ATP2C2: variants seen among roughly 807,000 people sequenced by gnomAD.
ATP2C2 encodes the protein ATPase secretory pathway Ca2+ transporting 2.
A neutral mutation model predicts 110.8 loss-of-function variants in ATP2C2; 171 were observed. The observed-to-expected ratio is 1.54, with a 90% CI of 1.36 to 1.75. The LOEUF (loss-of-function observed/expected upper bound fraction) is 1.75. ATP2C2 is among the 40% of genes most tolerant of loss of function. The pLI, the probability that ATP2C2 is intolerant of heterozygous loss-of-function variation, is 0.00. For missense variants in ATP2C2, 1,963 were observed against 1,235.0 expected (o/e 1.59, Z -8.84); for synonymous variants, 804 against 508.4 (o/e 1.58, Z -7.82).
intron 1 of ATP2C2, among the ~76,000 whole-genome samples, chr16:84,391,095 C>G (rs1347361782): frequency 1.8e-5 from 2 of 112,166 alleles, no homozygotes; most frequent in Admixed American, 1.4e-4. Context: ...GCCTGGGTGA[C>G]AGAGTGAGAC....
At chr16:84,449,643 G>C (rs938602817) in intron 17 of ATP2C2, among the ~76,000 whole-genome samples, 2 of 152,304 alleles carry the variant, frequency 1.3e-5, no homozygotes, top group African/African-American at 4.8e-5. Context: ...TGATCTGAGA[G>C]GGGCTGGTAT....
At chr16:84,436,564 C>A (rs1275411350) in intron 11 of ATP2C2, among the ~76,000 whole-genome samples, 5 of 152,156 alleles carry the variant, frequency 3.3e-5, no homozygotes, top group African/African-American at 1.2e-4. Context: ...CTCCTCATCA[C>A]TTCTAGTCCC....
At chr16:84,376,768 C>A (rs1281050071) in intron 1 of ATP2C2, among the ~76,000 whole-genome samples, 1 of 152,212 alleles carries the variant, frequency 6.6e-6, no homozygotes, top group Non-Finnish European at 1.5e-5. Context: ...TCCACATACA[C>A]ATTCAGATCC....
chr16:84,450,401 G>T (rs1331411890), intron 17 of ATP2C2, among the ~76,000 whole-genome samples: 1 of 152,106 alleles, frequency 6.6e-6, no homozygotes, highest in East Asian at 1.9e-4. Context: ...TGGGCTTTGA[G>T]ACCCCCCACC....
intron 6 of ATP2C2, among the ~76,000 whole-genome samples, chr16:84,411,536 G>C (rs369965409): frequency 1.3e-5 from 2 of 152,244 alleles, no homozygotes; most frequent in South Asian, 2.1e-4. Flanking sequence ...CCGCCTCCTG[G>C]GTTCAAGCAG....
chr16:84,372,666 C>T (rs977169313), intron 1 of ATP2C2, among the ~76,000 whole-genome samples: 3 of 151,928 alleles, frequency 2.0e-5, no homozygotes, highest in Non-Finnish European at 4.4e-5. Context: ...CCTCATGATC[C>T]GCCTGCCTCA....
intron 1 of ATP2C2, among the ~76,000 whole-genome samples, chr16:84,381,647 C>T (rs980435040): frequency 6.6e-6 from 1 of 152,114 alleles, no homozygotes; most frequent in Non-Finnish European, 1.5e-5. Flanking sequence ...TAGATTCATG[C>T]TGGGCACACT....
intron 1 of ATP2C2, among the ~76,000 whole-genome samples, chr16:84,392,110 T>C (rs1037488078): frequency 1.5e-4 from 23 of 152,218 alleles, no homozygotes; most frequent in African/African-American, 5.3e-4. Flanking sequence ...ATAGACAGAA[T>C]AATGGAATGA....
rs891796027 is a variant in ATP2C2, at chr16:84,461,815, G to A, written c.2580+3G>A. ...ACGCCTTGACCTGCCGCTCTCAGGT[G>A]AGACCCGGGCTGACCCTCCTCGCTG... On this transcript the variant is annotated splice_donor_region_variant and intron_variant, in intron 25 of 26. Coordinates refer to ENST00000262429, the MANE Select transcript of ATP2C2 (RefSeq NM_014861.4). The A allele has an allele frequency of 1.2e-6, 2 of 1,613,512 alleles. No individual in the cohort carries two copies. Among genetic ancestry groups the A allele is most frequent in the Non-Finnish European group, 1.7e-6 (2 of 1,179,368 alleles).
Position 84,463,741 on chromosome 16 carries a change from A to T in ATP2C2, c.*9A>T. On this transcript the variant is annotated 3_prime_UTR_variant, in exon 27 of 27. Coordinates refer to ENST00000262429, the MANE Select transcript of ATP2C2 (RefSeq NM_014861.4). Reference sequence around the variant, plus strand: ...ACCCTGAAGATGTGTAGTGGACCGCACTCCGCGGCACCTTCCCTAATCATC... The same window carrying T: ...ACCCTGAAGATGTGTAGTGGACCGCTCTCCGCGGCACCTTCCCTAATCATC... The T allele has an allele frequency of 6.3e-7, 1 of 1,593,782 alleles. No homozygotes were observed. Among genetic ancestry groups the T allele is most frequent in the Non-Finnish European group, 8.6e-7 (1 of 1,163,838 alleles).
chr16:84,403,628 A>G (rs1177762165), intron 2 of ATP2C2, among the ~76,000 whole-genome samples: 1 of 151,996 alleles, frequency 6.6e-6, no homozygotes, highest in Non-Finnish European at 1.5e-5. Context: ...TGAAGTGTAC[A>G]TTGTAGTTGC....
chr16:84,414,746 G>T (rs546336554), intron 6 of ATP2C2, among the ~76,000 whole-genome samples: 50 of 152,326 alleles, frequency 3.3e-4, no homozygotes, highest in Middle Eastern at 3.4e-3. Context: ...GAAGGAGCCT[G>T]TGCGTTTAAG....
intron 2 of ATP2C2, among the ~76,000 whole-genome samples, chr16:84,398,897 G>C (rs1282556952): frequency 1.3e-5 from 2 of 152,300 alleles, no homozygotes; most frequent in African/African-American, 4.8e-5. Flanking sequence ...AAACATAAAG[G>C]GATGGAAGAT....
chr16:84,422,791 G>C (rs1282733335), intron 9 of ATP2C2, 94 bp downstream of exon 9: 5 of 1,293,890 alleles, frequency 3.9e-6, no homozygotes, highest in Non-Finnish European at 5.4e-6. Context: ...CCTTAGGAAT[G>C]AGTGGCATGT....
rs776011490 is a variant in ATP2C2, at chr16:84,459,310, T to G, written c.2257T>G (p.Phe753Val). 8 of 1,614,212 alleles carry G rather than the reference T, an allele frequency of 5.0e-6. No homozygotes were observed. Among genetic ancestry groups the G allele is most frequent in the Non-Finnish European group, 6.8e-6 (8 of 1,180,024 alleles). ...ALSLITLSTVFNLPSPLNAMQ... is the reference protein window; with the variant it reads ...ALSLITLSTVVNLPSPLNAMQ... The stretch of plus-strand genomic sequence containing the variant: ...GAGTCTCATCACTCTGTCCACCGTG[T>G]TCAACCTGCCCAGCCCCCTCAACGC... The change falls in exon 23 of 27, where the codon TTC (phenylalanine) becomes GTC (valine). Residue 753 changes from phenylalanine to valine, a missense_variant. Phe to Val is a conservative substitution (Grantham distance 50). Coordinates refer to ENST00000262429, the MANE Select transcript of ATP2C2 (RefSeq NM_014861.4).
chr16:84,456,621 G>C (rs1463894404), intron 21 of ATP2C2, among the ~76,000 whole-genome samples: 1 of 103,898 alleles, frequency 9.6e-6, no homozygotes, highest in African/African-American at 3.9e-5. Flanking sequence ...ATCTCCTTAA[G>C]CTGATAAGCA....
chr16:84,419,646 C>CCTG (rs56083918), intron 7 of ATP2C2, among the ~76,000 whole-genome samples: 128,112 of 151,906 alleles, frequency 0.84, 54,320 homozygotes, highest in Middle Eastern at 0.89. Context: ...CTCCTCCCTT[C>CCTG]CCTTGGGGCC....
chr16:84,445,087 G>A (rs1454060917), intron 15 of ATP2C2, among the ~76,000 whole-genome samples: 1 of 152,174 alleles, frequency 6.6e-6, no homozygotes, highest in African/African-American at 2.4e-5. Context: ...CCCAGTTTCT[G>A]GGTGTTACTG....
intron 23 of ATP2C2, chr16:84,459,591 G>A (rs750663148): frequency 2.6e-6 from 4 of 1,535,778 alleles, no homozygotes; most frequent in Non-Finnish European, 2.6e-6. Context: ...CGGCAGAGCT[G>A]GGTGAGGATG....
Sources: allele counts gnomAD v4.1 joint callset (sites outside exome capture counted in the v4.1 genomes callset), GRCh38; gene constraint gnomAD v4.1.1; transcripts MANE v1.5; gene names NCBI Gene and HGNC (gene_info 2026-07-23, HGNC 2026-07-21).